CACNA2D3: variants seen among roughly 807,000 people sequenced by gnomAD.
CACNA2D3 encodes voltage-dependent calcium channel subunit alpha-2/delta-3.
CACNA2D3 carries 60 observed loss-of-function variants against 160.6 expected under a neutral mutation model. That is an observed-to-expected ratio of 0.37 (90% confidence interval 0.30 to 0.46). The LOEUF (loss-of-function observed/expected upper bound fraction) is 0.46, where lower values mean the gene tolerates loss of function less well. CACNA2D3 is among the 20% of genes least tolerant of loss of function. The probability of loss-of-function intolerance (pLI) is 1.00; values close to 1 mark genes in which losing one functional copy is unlikely to be tolerated. For missense variants in CACNA2D3, 1,205 were observed against 1,365.0 expected (o/e 0.88, Z 1.85); for synonymous variants, 558 against 492.9 (o/e 1.13, Z -1.75).
chr3:54,434,172 C>T (rs9875862), intron 4 of CACNA2D3, among the ~76,000 whole-genome samples: 2 of 152,210 alleles, frequency 1.3e-5, no homozygotes, highest in Non-Finnish European at 2.9e-5. Context: ...CGAGCCTCCA[C>T]TCCTGCCCAG....
intron 32 of CACNA2D3, 52 bp downstream of exon 32, chr3:55,004,890 C>T: frequency 1.6e-6 from 2 of 1,272,450 alleles, no homozygotes; most frequent in Non-Finnish European, 2.3e-6. Context: ...TGTCTTTCTC[C>T]CTGTCTGAGT....
At chr3:54,890,495 CAAA>C (rs34740812) in intron 24 of CACNA2D3, among the ~76,000 whole-genome samples, 179 of 60,828 alleles carry the variant, frequency 2.9e-3, no homozygotes, top group African/African-American at 0.011. Context: ...GACTCCGTCT[CAAA>C]AAAAAAAAAA....
intron 2 of CACNA2D3, among the ~76,000 whole-genome samples, chr3:54,171,025 G>A (rs1700555188): frequency 6.6e-6 from 1 of 151,438 alleles, no homozygotes; most frequent in African/African-American, 2.4e-5. Flanking sequence ...GAAAGCGTGT[G>A]GACCAAATGT....
chr3:54,481,969 G>A (rs1024626939), intron 4 of CACNA2D3, among the ~76,000 whole-genome samples: 8 of 152,140 alleles, frequency 5.3e-5, no homozygotes, highest in African/African-American at 9.7e-5. Flanking sequence ...AGATATTTAC[G>A]TTCCTTTGGG....
At chr3:54,328,887 C>T (rs1304592073) in intron 3 of CACNA2D3, among the ~76,000 whole-genome samples, 1 of 152,164 alleles carries the variant, frequency 6.6e-6, no homozygotes, top group African/African-American at 2.4e-5. Flanking sequence ...TTTGGGGTGC[C>T]AGCTGTTTGG....
intron 4 of CACNA2D3, among the ~76,000 whole-genome samples, chr3:54,476,654 T>C (rs1420680357): frequency 6.6e-6 from 1 of 152,158 alleles, no homozygotes; most frequent in Non-Finnish European, 1.5e-5. Flanking sequence ...TCCCTGGTGA[T>C]TAGTGATGTT....
Position 54,901,118 on chromosome 3 carries a change from A to G in CACNA2D3, c.2449+1250A>G, listed in dbSNP as rs545101794. 3.9e-5 allele frequency: 6 copies of G among 152,282 alleles called. No homozygotes were observed. In the South Asian group the frequency reaches 1.2e-3, roughly 32 times the overall value. 9.4% of individuals were successfully genotyped at this position (152,282 alleles called of 1,614,324 possible). On this transcript the variant is annotated intron_variant, in intron 27 of 37. Transcript: ENST00000474759. ...GTGGGAGACGGGATCATTTAACTCAACAAGATTTACTTATGCTTAAAGGAG... is the reference window on the plus strand; with the variant it reads ...GTGGGAGACGGGATCATTTAACTCAGCAAGATTTACTTATGCTTAAAGGAG...
At chr3:54,903,933 G>A (rs1393163514) in intron 27 of CACNA2D3, among the ~76,000 whole-genome samples, 3 of 152,264 alleles carry the variant, frequency 2.0e-5, no homozygotes, top group African/African-American at 7.2e-5. Flanking sequence ...ATTTGTTTAA[G>A]TTCCTTATAG....
At chr3:54,441,501 T>C (rs547400460) in intron 4 of CACNA2D3, among the ~76,000 whole-genome samples, 181 of 152,342 alleles carry the variant, frequency 1.2e-3, no homozygotes, top group Non-Finnish European at 1.2e-3. Flanking sequence ...TTATATCCCA[T>C]TTGTCAATTT....
chr3:54,387,137 G>A (rs1699201564), intron 4 of CACNA2D3, among the ~76,000 whole-genome samples: 1 of 152,242 alleles, frequency 6.6e-6, no homozygotes, highest in African/African-American at 2.4e-5. Flanking sequence ...TGGAATGCAA[G>A]TGACTGAAAG....
intron 2 of CACNA2D3, among the ~76,000 whole-genome samples, chr3:54,190,984 A>T (rs1389173303): frequency 2.0e-5 from 3 of 151,540 alleles, no homozygotes; most frequent in Non-Finnish European, 4.4e-5. Flanking sequence ...ATGAAGTGGG[A>T]TAATACCAGA....
intron 11 of CACNA2D3, among the ~76,000 whole-genome samples, chr3:54,727,447 C>T (rs1701299197): frequency 6.6e-6 from 1 of 152,184 alleles, no homozygotes; most frequent in Non-Finnish European, 1.5e-5. Flanking sequence ...GCTATAAAGA[C>T]ACATGCACAC....
intron 2 of CACNA2D3, among the ~76,000 whole-genome samples, chr3:54,251,795 A>C (rs1702193538): frequency 1.3e-5 from 2 of 152,244 alleles, no homozygotes; most frequent in African/African-American, 2.4e-5. Flanking sequence ...GTTAGTAATA[A>C]GTGACCTGGT....
At chr3:54,662,190 G>GT (rs1166127230) in intron 11 of CACNA2D3, among the ~76,000 whole-genome samples, 3 of 152,098 alleles carry the variant, frequency 2.0e-5, no homozygotes, top group Non-Finnish European at 4.4e-5. Flanking sequence ...ATGTGTGTGT[G>GT]TTTTTTATAG....
chr3:54,690,605 A>G (rs1280037010), intron 11 of CACNA2D3, among the ~76,000 whole-genome samples: 3 of 152,056 alleles, frequency 2.0e-5, no homozygotes, highest in Non-Finnish European at 4.4e-5. Flanking sequence ...TTGAATAGCT[A>G]TGGTTTTTGA....
intron 26 of CACNA2D3, among the ~76,000 whole-genome samples, chr3:54,898,127 TTTTC>T (rs1194011658): frequency 7.1e-6 from 1 of 141,616 alleles, no homozygotes; most frequent in Non-Finnish European, 1.6e-5. Flanking sequence ...CTTTCTTTCT[TTTTC>T]TTTTTCTTTT....
chr3:54,387,175 T>C (rs72988051), intron 4 of CACNA2D3, among the ~76,000 whole-genome samples: 4,790 of 152,292 alleles, frequency 0.031, 259 homozygotes, highest in African/African-American at 0.11. Context: ...TATCCTTGAA[T>C]TGATTGTTAA....
At chr3:54,405,376 T>C (rs1345593054) in intron 4 of CACNA2D3, among the ~76,000 whole-genome samples, 2 of 149,726 alleles carry the variant, frequency 1.3e-5, no homozygotes, top group Non-Finnish European at 3.0e-5. Flanking sequence ...AGCAGACACA[T>C]AGACTTGTAG....
At chr3:54,869,113 C>T (rs1014960719) in intron 17 of CACNA2D3, among the ~76,000 whole-genome samples, 1 of 152,156 alleles carries the variant, frequency 6.6e-6, no homozygotes, top group Non-Finnish European at 1.5e-5. Flanking sequence ...GAAAAAGACA[C>T]GTGGACACTT....
Sources: allele counts gnomAD v4.1 joint callset (sites outside exome capture counted in the v4.1 genomes callset), GRCh38; gene constraint gnomAD v4.1.1; transcripts MANE v1.5; gene names NCBI Gene and HGNC (gene_info 2026-07-23, HGNC 2026-07-21).